Variants in COL5A1 observed in about 807,000 individuals in gnomAD.
COL5A1 encodes the protein collagen type V alpha 1 chain.
A neutral mutation model predicts 263.7 loss-of-function variants in COL5A1; 16 were observed. The ratio of observed to expected loss-of-function variants is 0.06; its 90% CI spans 0.04 to 0.09. The LOEUF (loss-of-function observed/expected upper bound fraction) is 0.09, where lower values mean the gene tolerates loss of function less well. Ranked by LOEUF, COL5A1 falls within the 10% of genes least tolerant of loss-of-function variation. The pLI, the probability that COL5A1 is intolerant of heterozygous loss-of-function variation, is 1.00. For synonymous variants in COL5A1, 1,012 were observed against 1,004.5 expected (o/e 1.01, Z -0.14); for missense variants, 2,036 against 2,540.5 (o/e 0.80, Z 4.27).
At chr9:134,810,212 G>A (rs773239005) in intron 43 of COL5A1, 43 bp from the exon 44 acceptor site, 19 of 1,607,178 alleles carry the variant, frequency 1.2e-5, no homozygotes, top group African/African-American at 6.7e-5. Flanking sequence ...AGGTCCAAAC[G>A]GTTGTCAAGC....
rs142899286 is a variant in COL5A1 at position 134,670,525 on chromosome 9, A to G, written c.110-20387A>G. On this transcript the variant is annotated intron_variant, in intron 1 of 65. Coordinates refer to ENST00000371817, the MANE Select transcript of COL5A1 (RefSeq NM_000093.5). ...GAGAGGCAGTGGGGAGCTGTGATTT[A>G]ATGCTTGGGCCCTGGTGTGATTGTT... 3.1e-3 allele frequency among the ~76,000 whole-genome samples: 478 copies of G among 152,234 alleles called. 1 individual carries two copies. The highest frequency in any genetic ancestry group is 0.011 in the African/African-American group (449 of 41,544).
intron 1 of COL5A1, among the ~76,000 whole-genome samples, chr9:134,646,349 T>C (rs1180763249): frequency 6.6e-6 from 1 of 152,130 alleles, no homozygotes; most frequent in African/African-American, 2.4e-5. Flanking sequence ...GAGGAGGTGA[T>C]GTGAAACTGG....
At chr9:134,649,450 T>A (rs753007149) in intron 1 of COL5A1, 22 of 466,964 alleles carry the variant, frequency 4.7e-5, no homozygotes, top group African/African-American at 3.8e-4. Flanking sequence ...TGCCGAGATG[T>A]CTCTGCCCAT....
intron 49 of COL5A1, among the ~76,000 whole-genome samples, chr9:134,814,430 G>C (rs1470447901): frequency 6.6e-6 from 1 of 152,230 alleles, no homozygotes; most frequent in African/African-American, 2.4e-5. Context: ...CCCAGGACCA[G>C]CTGGGTGGAC....
chr9:134,814,223 C>T (rs988486962), intron 49 of COL5A1, among the ~76,000 whole-genome samples, 187 bp downstream of exon 49: 10 of 152,216 alleles, frequency 6.6e-5, no homozygotes, highest in Non-Finnish European at 1.2e-4. Flanking sequence ...AGCATGTACA[C>T]GCAGACCTAG....
intron 42 of COL5A1, among the ~76,000 whole-genome samples, chr9:134,808,738 G>A (rs957669357): frequency 1.3e-5 from 2 of 152,250 alleles, no homozygotes; most frequent in African/African-American, 4.8e-5. Flanking sequence ...GTCCTTGTGT[G>A]TGTGTGCAGG....
Position 134,731,518 on chromosome 9 carries a change from G to A in COL5A1, c.1187G>A (p.Gly396Asp), listed in dbSNP as rs570218470. The A allele has an allele frequency of 4.3e-6, 7 of 1,614,224 alleles. No individual in the cohort carries two copies. The South Asian group carries it at 7.7e-5, about 18-fold the overall frequency. Residue 396 changes from glycine to aspartate, a missense_variant, in exon 8 of 66, where the codon GGT (glycine) becomes GAT (aspartate). By Grantham distance (94) the Gly-to-Asp change is moderately conservative. This residue lies in a region of COL5A1 where 600 missense variants were observed against 634.5 expected (regional missense o/e 0.95). Transcript: ENST00000371817. ...CAGCCAGCTCCGCCTCCAGGGGAAG[G>A]TGCGGATGACTTGGAGGGGGAGTTC... is the stretch of plus-strand genomic sequence containing the variant. ...SSNPAPPPGEGADDLEGEFTE... is the reference protein window; with the variant it reads ...SSNPAPPPGEDADDLEGEFTE...
At chr9:134,772,722 GA>G in intron 25 of COL5A1, 67 bp from the exon 26 acceptor site, 4 of 1,471,450 alleles carry the variant, frequency 2.7e-6, no homozygotes, top group Non-Finnish European at 3.8e-6. Flanking sequence ...GCTACGCAGG[GA>G]GGGGAAGCGA....
chr9:134,825,138 T>A (rs1839212286), intron 62 of COL5A1, among the ~76,000 whole-genome samples: 1 of 152,178 alleles, frequency 6.6e-6, no homozygotes, highest in East Asian at 1.9e-4. Context: ...TGCTTGAACC[T>A]CGTGTTCCTG....
rs1263606062 is a variant in COL5A1, at chr9:134,758,186, CG to C, written c.1882-53del. ...GGCCATCACTTGGTGGACACCAAGG[CG>C]GGGTGTCCACGTGTGCAGGGTGGCG... On this transcript the variant is annotated intron_variant, in intron 17 of 65. Coordinates refer to ENST00000371817, the MANE Select transcript of COL5A1 (RefSeq NM_000093.5). The surrounding 1 kb of genome is among the most constrained non-coding windows in gnomAD (Gnocchi z 4.1). The C allele has an allele frequency of 1.9e-6, 3 of 1,586,618 alleles. No homozygotes were observed. Among genetic ancestry groups the C allele is most frequent in the Non-Finnish European group, 1.7e-6 (2 of 1,155,790 alleles).
intron 6 of COL5A1, among the ~76,000 whole-genome samples, 153 bp from the exon 7 acceptor site, chr9:134,730,083 C>T (rs1588478986): frequency 1.3e-5 from 2 of 152,142 alleles, no homozygotes; most frequent in South Asian, 4.1e-4. Flanking sequence ...TGGGGGCGGC[C>T]CCTGCACCCA....
At chr9:134,762,621 C>G (rs1017337437) in intron 19 of COL5A1, among the ~76,000 whole-genome samples, 2 of 152,194 alleles carry the variant, frequency 1.3e-5, no homozygotes, top group Non-Finnish European at 2.9e-5. Context: ...GGTTTCCAAG[C>G]TCTTCCCTGC....
chr9:134,777,671 G>T (rs970092402), intron 27 of COL5A1, among the ~76,000 whole-genome samples: 1 of 152,172 alleles, frequency 6.6e-6, no homozygotes, highest in Non-Finnish European at 1.5e-5. Flanking sequence ...AGGAGGCTGC[G>T]GTCCTACCTG....
intron 37 of COL5A1, among the ~76,000 whole-genome samples, chr9:134,800,949 C>G (rs546314960): frequency 6.6e-6 from 1 of 152,112 alleles, no homozygotes; most frequent in Non-Finnish European, 1.5e-5. Flanking sequence ...TCGAGGCCTC[C>G]GGGTAGAAGG....
intron 1 of COL5A1, among the ~76,000 whole-genome samples, chr9:134,665,025 C>A (rs959851721): frequency 1.3e-5 from 2 of 152,174 alleles, no homozygotes; most frequent in African/African-American, 4.8e-5. Flanking sequence ...ATGGTGGAAC[C>A]CTGTCTCTGC....
intron 9 of COL5A1, among the ~76,000 whole-genome samples, chr9:134,736,711 G>A (rs961210313): frequency 6.6e-6 from 1 of 152,230 alleles, no homozygotes; most frequent in Non-Finnish European, 1.5e-5. Flanking sequence ...AGGTACTGAT[G>A]AGACTTAGGC....
At chr9:134,654,027 T>G (rs1266773313) in intron 1 of COL5A1, among the ~76,000 whole-genome samples, 709 of 49,428 alleles carry the variant, frequency 0.014, no homozygotes, top group African/African-American at 0.016. Flanking sequence ...AGGGCTGGAG[T>G]TGTGTAGAGC....
At chr9:134,836,540 A>G (rs1313157325) in intron 65 of COL5A1, among the ~76,000 whole-genome samples, 1 of 152,174 alleles carries the variant, frequency 6.6e-6, no homozygotes, top group Non-Finnish European at 1.5e-5. Flanking sequence ...CCGGCCCTGC[A>G]GGGTGCCCTC....
In COL5A1 at chr9:134,730,221, G is replaced by C; in HGVS notation, c.925-15G>C. The C allele has an allele frequency of 3.1e-6, 5 of 1,612,712 alleles. No homozygotes were observed. Among genetic ancestry groups the C allele is most frequent in the Non-Finnish European group, 4.2e-6 (5 of 1,179,962 alleles). The stretch of plus-strand genomic sequence containing the variant: ...CTCCGCCCTGACTCCAGCTGTCTCT[G>C]TCCTTGGCTCCCAGGAGCTGACCCC... On this transcript the variant is annotated splice_polypyrimidine_tract_variant and intron_variant, in intron 6 of 65. Coordinates refer to ENST00000371817, the MANE Select transcript of COL5A1 (RefSeq NM_000093.5).
Sources: allele counts gnomAD v4.1 joint callset (sites outside exome capture counted in the v4.1 genomes callset), GRCh38; gene constraint gnomAD v4.1.1; regional missense constraint gnomAD v4.1.1; non-coding constraint Gnocchi (gnomAD v3.1); transcripts MANE v1.5; gene names NCBI Gene and HGNC (gene_info 2026-07-23, HGNC 2026-07-21).